CLSTN2: variants seen among roughly 807,000 people sequenced by gnomAD.
CLSTN2 encodes calsyntenin 2, also known as calsyntenin-2.
In CLSTN2, 48 loss-of-function variants were observed where a neutral mutation model predicts 101.2. That is an observed-to-expected ratio of 0.47 (90% CI 0.38 to 0.60). The LOEUF (loss-of-function observed/expected upper bound fraction) is 0.60, where lower values mean the gene tolerates loss of function less well. Ranked by LOEUF, CLSTN2 falls within the 20% of genes least tolerant of loss-of-function variation. CLSTN2 has a pLI of 0.00. For missense variants in CLSTN2, 1,160 were observed against 1,238.2 expected (o/e 0.94, Z 0.95); for synonymous variants, 481 against 463.6 (o/e 1.04, Z -0.48).
chr3:140,028,469 A>T (rs1351965014), intron 1 of CLSTN2, among the ~76,000 whole-genome samples: 1 of 152,180 alleles, frequency 6.6e-6, no homozygotes, highest in Non-Finnish European at 1.5e-5. Context: ...AGGGTGAAAG[A>T]TGCTGTGAGA....
intron 10 of CLSTN2, among the ~76,000 whole-genome samples, chr3:140,548,550 T>G (rs1327569444): frequency 6.6e-6 from 1 of 151,608 alleles, no homozygotes; most frequent in Non-Finnish European, 1.5e-5. Flanking sequence ...TAAGAATAGG[T>G]AGGAACCAGC....
chr3:140,230,334 T>TTTTAGACCTACCTATAA (rs1459677035), intron 2 of CLSTN2, among the ~76,000 whole-genome samples: 1 of 152,212 alleles, frequency 6.6e-6, no homozygotes, highest in African/African-American at 2.4e-5. Flanking sequence ...CCAGTGGGTA[T>TTTTAGACCTACCTATAA]TTTAGACCTA....
chr3:140,333,653 C>T (rs2087410399), intron 2 of CLSTN2, among the ~76,000 whole-genome samples: 1 of 151,540 alleles, frequency 6.6e-6, no homozygotes, highest in African/African-American at 2.4e-5. Flanking sequence ...CAACTTTCAT[C>T]ATAGAAACTA....
At chr3:139,970,900 A>G (rs1935687792) in intron 1 of CLSTN2, among the ~76,000 whole-genome samples, 1 of 152,204 alleles carries the variant, frequency 6.6e-6, no homozygotes, top group Non-Finnish European at 1.5e-5. Context: ...TCCACTGTGA[A>G]CCTGCCCTTT....
chr3:140,528,680 A>G (rs1368553913), intron 8 of CLSTN2, among the ~76,000 whole-genome samples: 1 of 151,770 alleles, frequency 6.6e-6, no homozygotes, highest in Non-Finnish European at 1.5e-5. Flanking sequence ...TTTCTGCTTC[A>G]TTGCCTTAGA....
At chr3:140,054,254 TC>T (rs951665834) in intron 1 of CLSTN2, among the ~76,000 whole-genome samples, 10 of 152,040 alleles carry the variant, frequency 6.6e-5, no homozygotes. Flanking sequence ...TCAAGTACCT[TC>T]CTGAAGCCCA....
chr3:139,941,837 T>C (rs907528392), intron 1 of CLSTN2, among the ~76,000 whole-genome samples: 1 of 152,256 alleles, frequency 6.6e-6, no homozygotes, highest in African/African-American at 2.4e-5. Flanking sequence ...TGAATGTTTA[T>C]TGAGTTCATA....
intron 9 of CLSTN2, among the ~76,000 whole-genome samples, chr3:140,544,411 G>A (rs1488201970): frequency 6.6e-6 from 1 of 152,138 alleles, no homozygotes; most frequent in African/African-American, 2.4e-5. Context: ...GTGTGCAAGA[G>A]GCCCAACCCC....
intron 1 of CLSTN2, among the ~76,000 whole-genome samples, chr3:140,159,036 G>A (rs970087074): frequency 3.3e-5 from 5 of 152,080 alleles, no homozygotes; most frequent in Non-Finnish European, 7.4e-5. Flanking sequence ...AACTCAAATT[G>A]GATTAAAGAT....
Position 140,569,260 on chromosome 3 carries a change from C to T in CLSTN2, c.*3007C>T, listed in dbSNP as rs184219310. 2.0e-5 allele frequency: 3 copies of T among 152,404 alleles called. No individual in the cohort carries two copies. Among genetic ancestry groups the T allele is most frequent in the East Asian group, 3.9e-4 (2 of 5,188 alleles). 9.4% of individuals were successfully genotyped at this position (152,404 alleles called of 1,614,324 possible). A position where few individuals can be genotyped will look rare whatever the true frequency, so the allele number is the denominator to read the frequency against. ...TGCTGGCATCCAGGAACCAAAACCCCTGAAGGCCTAGACACCCTATGACCT... is the reference window on the plus strand; with the variant it reads ...TGCTGGCATCCAGGAACCAAAACCCTTGAAGGCCTAGACACCCTATGACCT... On this transcript the variant is annotated 3_prime_UTR_variant, in exon 17 of 17. Coordinates refer to ENST00000458420, the MANE Select transcript of CLSTN2 (RefSeq NM_022131.3).
intron 8 of CLSTN2, among the ~76,000 whole-genome samples, chr3:140,467,754 A>G (rs969188278): frequency 6.6e-6 from 1 of 151,888 alleles, no homozygotes; most frequent in African/African-American, 2.4e-5. Context: ...CCTTGTTACT[A>G]TATCTCCACC....
chr3:140,459,708 C>A lies in CLSTN2; in HGVS notation c.1161C>A (p.His387Gln), dbSNP rs779546467. The A allele has an allele frequency of 1.2e-6, 2 of 1,614,120 alleles. No individual in the cohort carries two copies. Residue 387 changes from histidine to glutamine, a missense_variant, in exon 7 of 17, where the codon CAC becomes CAA. Physicochemically the swap from His to Gln is conservative, Grantham distance 24. Transcript: ENST00000458420. ...DQFTITMWMK[H>Q]GPSPGVRAEK... ...TCACCATCACCATGTGGATGAAACA[C>A]GGCCCCAGCCCTGGTGTGAGAGCCG...
chr3:140,066,871 C>T (rs1323823937), intron 1 of CLSTN2, among the ~76,000 whole-genome samples: 1 of 152,190 alleles, frequency 6.6e-6, no homozygotes, highest in East Asian at 1.9e-4. Flanking sequence ...TTGCTGTGAT[C>T]TCCCTGGACC....
At chr3:140,486,575 C>G (rs938500603) in intron 8 of CLSTN2, among the ~76,000 whole-genome samples, 6 of 152,154 alleles carry the variant, frequency 3.9e-5, no homozygotes, top group Admixed American at 2.0e-4. Flanking sequence ...AGTTCAGAGT[C>G]TATGAGTACT....
At chr3:140,538,827 T>C (rs1052250867) in intron 9 of CLSTN2, among the ~76,000 whole-genome samples, 3 of 152,290 alleles carry the variant, frequency 2.0e-5, no homozygotes, top group East Asian at 3.9e-4. Flanking sequence ...CAGGATACCC[T>C]TTCACAAAAA....
chr3:140,557,382 C>G (rs1380202689), intron 11 of CLSTN2, among the ~76,000 whole-genome samples: 2 of 152,184 alleles, frequency 1.3e-5, no homozygotes, highest in African/African-American at 4.8e-5. Flanking sequence ...AAAAAAACCC[C>G]GCAGATGGTA....
intron 2 of CLSTN2, among the ~76,000 whole-genome samples, chr3:140,269,621 T>C (rs2086723579): frequency 6.6e-6 from 1 of 152,124 alleles, no homozygotes; most frequent in Admixed American, 6.5e-5. Flanking sequence ...AAGAAAAGCT[T>C]TCGATATTAT....
chr3:140,521,138 C>G (rs1935019514), intron 8 of CLSTN2, among the ~76,000 whole-genome samples: 1 of 149,396 alleles, frequency 6.7e-6, no homozygotes, highest in African/African-American at 2.5e-5. Flanking sequence ...CTACTTCTAT[C>G]AGTCCAGCCA....
chr3:140,099,397 A>G (rs1186256287), intron 1 of CLSTN2, among the ~76,000 whole-genome samples: 2 of 152,024 alleles, frequency 1.3e-5, no homozygotes, highest in African/African-American at 4.8e-5. Context: ...CCATCTTCAC[A>G]TGGCCTTCTC....
Sources: allele counts gnomAD v4.1 joint callset (sites outside exome capture counted in the v4.1 genomes callset), GRCh38; gene constraint gnomAD v4.1.1; transcripts MANE v1.5; gene names NCBI Gene and HGNC (gene_info 2026-07-23, HGNC 2026-07-21).